The following LRBA variants were observed in gnomAD, a reference collection of about 807,000 sequenced individuals.
LRBA encodes the protein LPS responsive beige-like anchor protein.
A neutral mutation model predicts 330.0 loss-of-function variants in LRBA; 176 were observed. That is an observed-to-expected ratio of 0.53 (90% CI 0.47 to 0.60). The LOEUF is 0.60. LRBA is among the 20% of genes least tolerant of loss of function. The probability of loss-of-function intolerance (pLI) is 0.00; values close to 1 mark genes in which losing one functional copy is unlikely to be tolerated. For synonymous variants in LRBA, 1,230 were observed against 1,193.0 expected (o/e 1.03, Z -0.64); for missense variants, 3,259 against 3,444.8 (o/e 0.95, Z 1.35).
chr4:150,458,920 G>C (rs1279842860), intron 44 of LRBA, among the ~76,000 whole-genome samples: 2 of 151,442 alleles, frequency 1.3e-5, no homozygotes, highest in Non-Finnish European at 2.9e-5. Flanking sequence ...GCTAATACTT[G>C]GCTGCACCTC....
At chr4:150,946,483 G>A (rs1212788164) in intron 2 of LRBA, among the ~76,000 whole-genome samples, 11 of 152,270 alleles carry the variant, frequency 7.2e-5, no homozygotes, top group Non-Finnish European at 7.4e-5. Context: ...ACAGAAAAAT[G>A]TGCGAACACT....
At chr4:150,628,409 A>T (rs550226023) in intron 37 of LRBA, among the ~76,000 whole-genome samples, 71 of 152,302 alleles carry the variant, frequency 4.7e-4, no homozygotes, top group African/African-American at 1.6e-3. Flanking sequence ...TGATCAAAAA[A>T]CAGCCATAAG....
intron 44 of LRBA, among the ~76,000 whole-genome samples, chr4:150,452,290 C>T (rs1369369699): frequency 1.3e-5 from 2 of 152,014 alleles, no homozygotes; most frequent in Non-Finnish European, 1.5e-5. Context: ...AAAAAGAAAA[C>T]GCAATTATCT....
In LRBA at chr4:150,578,650, AG is replaced by A. The variant is rs574000372; in HGVS notation, c.6330+9397del. On this transcript the variant is annotated intron_variant, in intron 40 of 56. Coordinates refer to ENST00000651943, the MANE Select transcript of LRBA (RefSeq NM_001364905.1). ...TTTTTGAAGAAACTGGGAAATTTTC[AG>A]ACTAAAGTTTTAAACATCCTCATAT... is the stretch of plus-strand genomic sequence containing the variant. Among the ~76,000 whole-genome samples, 9 of 152,342 alleles carry A rather than the reference AG, an allele frequency of 5.9e-5. No individual in the cohort carries two copies. In the East Asian group the frequency reaches 1.7e-3, roughly 29 times the overall value.
intron 40 of LRBA, among the ~76,000 whole-genome samples, chr4:150,573,435 T>C (rs551112414): frequency 3.9e-5 from 6 of 152,262 alleles, no homozygotes; most frequent in African/African-American, 1.4e-4. Context: ...GGCACTCCCA[T>C]TGCACTAATT....
rs116088938 is a variant in LRBA at position 151,007,065 on chromosome 4, A to G, written c.216+7362T>C. Among the ~76,000 whole-genome samples the G allele has an allele frequency of 3.5e-3, 540 of 152,364 alleles. 1 individual carries two copies. Among genetic ancestry groups the G allele is most frequent in the Non-Finnish European group, 6.3e-3 (426 of 68,028 alleles). Reference sequence around the variant, plus strand: ...ACTCGCCACAAATCTTCAGTAAACAAAAGGCAATTTGGTACTGGTTTAAGA... The same window carrying G: ...ACTCGCCACAAATCTTCAGTAAACAGAAGGCAATTTGGTACTGGTTTAAGA... On this transcript the variant is annotated intron_variant, in intron 2 of 56. Transcript: ENST00000651943.
In LRBA at chr4:150,959,914, T is replaced by C. The variant is rs1048323125; in HGVS notation, c.217-30849A>G. Among the ~76,000 whole-genome samples, 4 of 146,476 alleles carry C rather than the reference T, an allele frequency of 2.7e-5. 1 individual carries two copies. Among genetic ancestry groups the C allele is most frequent in the African/African-American group, 1.1e-4 (4 of 37,542 alleles). On this transcript the variant is annotated intron_variant, in intron 2 of 56. Transcript: ENST00000651943. ...TAAAGTGTGTGTGTGCATGTACGTA[T>C]ACATACTTTTTTTTTTTTTTAAGAA...
intron 44 of LRBA, among the ~76,000 whole-genome samples, chr4:150,441,318 A>G (rs1751810372): frequency 1.3e-5 from 2 of 152,136 alleles, no homozygotes; most frequent in African/African-American, 4.8e-5. Flanking sequence ...AGTAGTCCCC[A>G]TCAATGAATT....
intron 36 of LRBA, among the ~76,000 whole-genome samples, chr4:150,693,743 G>A (rs1317570525): frequency 1.3e-5 from 2 of 151,940 alleles, no homozygotes; most frequent in Non-Finnish European, 2.9e-5. Flanking sequence ...CAAACTCTTC[G>A]TTTCAGTATC....
chr4:150,277,033 A>G (rs1202089365), intron 56 of LRBA, among the ~76,000 whole-genome samples: 1 of 152,226 alleles, frequency 6.6e-6, no homozygotes, highest in African/African-American at 2.4e-5. Flanking sequence ...CCAAATGCCC[A>G]TCAATGATAG....
At chr4:150,809,893 ACG>A (rs1743421724) in intron 31 of LRBA, among the ~76,000 whole-genome samples, 2 of 150,016 alleles carry the variant, frequency 1.3e-5, no homozygotes, top group Non-Finnish European at 3.0e-5. Flanking sequence ...ACGATACGAT[ACG>A]ATACGATACG....
intron 2 of LRBA, among the ~76,000 whole-genome samples, chr4:150,936,731 C>T (rs1735117051): frequency 6.6e-6 from 1 of 151,884 alleles, no homozygotes; most frequent in Admixed American, 6.6e-5. Context: ...GAAACTAAAC[C>T]TTGTCCACTG....
chr4:150,689,448 T>TA (rs1258099762), intron 36 of LRBA, among the ~76,000 whole-genome samples: 2 of 151,348 alleles, frequency 1.3e-5, no homozygotes, highest in Non-Finnish European at 2.9e-5. Context: ...TCCCAGAACT[T>TA]AAAGTATAAT....
intron 35 of LRBA, among the ~76,000 whole-genome samples, chr4:150,755,074 T>C (rs556947812): frequency 8.3e-4 from 127 of 152,300 alleles, no homozygotes; most frequent in Non-Finnish European, 1.5e-3. Flanking sequence ...CTCTCCCTTT[T>C]CCCTCTCCAC....
At chr4:150,505,732 G>A (rs561253761) in intron 40 of LRBA, among the ~76,000 whole-genome samples, 3 of 152,252 alleles carry the variant, frequency 2.0e-5, no homozygotes, top group Admixed American at 2.0e-4. Context: ...ACTAAGATCA[G>A]AGCAGAACTG....
chr4:150,549,648 C>A (rs1272644272), intron 40 of LRBA, among the ~76,000 whole-genome samples: 1 of 152,106 alleles, frequency 6.6e-6, no homozygotes, highest in African/African-American at 2.4e-5. Flanking sequence ...TCACTTTTAC[C>A]TATTTATAAA....
intron 37 of LRBA, among the ~76,000 whole-genome samples, chr4:150,635,081 C>G (rs1561450501): frequency 6.6e-6 from 1 of 152,168 alleles, no homozygotes; most frequent in South Asian, 2.1e-4. Context: ...ATCTTAGAGG[C>G]ATTTCCAGAA....
chr4:150,419,464 A>C (rs1748273061), intron 46 of LRBA, among the ~76,000 whole-genome samples: 1 of 152,140 alleles, frequency 6.6e-6, no homozygotes, highest in African/African-American at 2.4e-5. Flanking sequence ...TGAGAAAAGA[A>C]GGTCCCTGCC....
chr4:150,713,687 C>T (rs1786455838), intron 36 of LRBA, among the ~76,000 whole-genome samples: 1 of 152,124 alleles, frequency 6.6e-6, no homozygotes, highest in South Asian at 2.1e-4. Flanking sequence ...TATCCCTGTT[C>T]ACAGTATTGC....
Sources: gnomAD v4.1 joint callset for allele counts (sites outside exome capture counted in the v4.1 genomes callset) on GRCh38, gnomAD v4.1.1 for gene constraint, MANE v1.5 for transcripts, NCBI Gene and HGNC (gene_info 2026-07-23, HGNC 2026-07-21) for gene names.